FAM20B: variants seen among roughly 807,000 people sequenced by gnomAD.
FAM20B encodes the protein glycosaminoglycan xylosylkinase.
FAM20B carries 23 observed loss-of-function variants against 43.8 expected under a neutral mutation model. The observed-to-expected ratio is 0.53, with a 90% CI of 0.38 to 0.74. The LOEUF is 0.74. Among genes scored for constraint, FAM20B ranks in the 30% least tolerant of loss-of-function variants. FAM20B has a pLI of 0.00. For missense variants in FAM20B, 440 were observed against 510.5 expected (o/e 0.86, Z 1.33); for synonymous variants, 178 against 192.4 (o/e 0.93, Z 0.62).
Position 179,043,868 on chromosome 1 carries a change from C to G in FAM20B, c.21C>G (p.Val7=). The G allele has an allele frequency of 6.2e-7, 1 of 1,602,966 alleles. No homozygotes were observed. The highest frequency in any genetic ancestry group is 8.5e-7 in the Non-Finnish European group (1 of 1,171,180). Residue 7 remains valine, a synonymous_variant, in exon 2 of 8, where the codon GTC becomes GTG. Coordinates refer to ENST00000263733, the MANE Select transcript of FAM20B (RefSeq NM_014864.4). MKLKQR[V]VLLAILLVIF... Reference sequence around the variant, plus strand: ...TCAACATGAAGCTAAAGCAGCGAGTCGTGCTGTTAGCAATTCTCCTTGTCA... The same window carrying G: ...TCAACATGAAGCTAAAGCAGCGAGTGGTGCTGTTAGCAATTCTCCTTGTCA...
chr1:179,030,083 C>T (rs951908226), intron 1 of FAM20B, among the ~76,000 whole-genome samples: 2 of 152,144 alleles, frequency 1.3e-5, no homozygotes, highest in Non-Finnish European at 2.9e-5. Flanking sequence ...AAATTTGCAG[C>T]TTCTTATCTG....
chr1:179,028,638 C>G (rs1335547085), intron 1 of FAM20B, among the ~76,000 whole-genome samples: 1 of 152,202 alleles, frequency 6.6e-6, no homozygotes, highest in Non-Finnish European at 1.5e-5. Flanking sequence ...GAATCTGACT[C>G]TTAGTCCTTC....
Position 179,064,105 on chromosome 1 carries a change from G to A in FAM20B, c.746+7G>A. On this transcript the variant is annotated splice_region_variant and intron_variant, in intron 5 of 7. Transcript: ENST00000263733. ...GAGAAGGCAAATTGGCCAGGTAAAT[G>A]CTCCTATGAGCCATTACTTAATTCT... is the stretch of plus-strand genomic sequence containing the variant. The A allele has an allele frequency of 6.2e-7, 1 of 1,601,486 alleles. No individual in the cohort carries two copies. The highest frequency in any genetic ancestry group is 8.5e-7 in the Non-Finnish European group (1 of 1,172,852).
In FAM20B at chr1:179,071,928, C is replaced by G. The variant is rs1651941133; in HGVS notation, c.1014C>G (p.Thr338=). 6.2e-7 allele frequency: 1 copy of G among 1,613,632 alleles called. No homozygotes were observed. The highest frequency in any genetic ancestry group is 1.3e-5 in the African/African-American group (1 of 74,922). The part of the protein sequence containing the change: ...LYQCCIIRVS[T]WNRLNYLKNG... ...TTTCTCCCAGCATTCGGGTGTCCAC[C>G]TGGAACAGACTGAACTACCTAAAGA... The change falls in exon 8 of 8, where the codon ACC becomes ACG. Residue 338 remains threonine (T), a synonymous_variant. Coordinates refer to ENST00000263733, the MANE Select transcript of FAM20B (RefSeq NM_014864.4).
intron 4 of FAM20B, among the ~76,000 whole-genome samples, chr1:179,057,464 C>T (rs1651273357): frequency 6.6e-6 from 1 of 152,186 alleles, no homozygotes; most frequent in Non-Finnish European, 1.5e-5. Context: ...ATCTGTGTAG[C>T]CCCGGCAACC....
intron 7 of FAM20B, among the ~76,000 whole-genome samples, chr1:179,069,068 C>G (rs1651810884): frequency 1.3e-5 from 2 of 152,178 alleles, no homozygotes; most frequent in South Asian, 4.1e-4. Context: ...GAATTGGGGC[C>G]AGGGTGAGCA....
chr1:179,050,623 G>A (rs1650966257), intron 3 of FAM20B, among the ~76,000 whole-genome samples: 1 of 152,158 alleles, frequency 6.6e-6, no homozygotes. Context: ...CATCAGTGAA[G>A]ATATTCTTGG....
chr1:179,065,853 A>G (rs1027221749), intron 6 of FAM20B, among the ~76,000 whole-genome samples: 1 of 152,128 alleles, frequency 6.6e-6, no homozygotes, highest in African/African-American at 2.4e-5. Context: ...GAGGCTGGGA[A>G]CTCTAAGATG....
At chr1:179,045,082 A>T (rs945529595) in intron 2 of FAM20B, among the ~76,000 whole-genome samples, 3 of 152,204 alleles carry the variant, frequency 2.0e-5, no homozygotes, top group Admixed American at 1.3e-4. Flanking sequence ...GTTGTTCATG[A>T]TCCCTTTGGA....
At chr1:179,037,400 A>G (rs1650286666) in intron 1 of FAM20B, among the ~76,000 whole-genome samples, 1 of 151,936 alleles carries the variant, frequency 6.6e-6, no homozygotes, top group Non-Finnish European at 1.5e-5. Flanking sequence ...GCAGAAGGAA[A>G]TAGTGAAATA....
chr1:179,046,995 CA>C (rs1025319548), intron 2 of FAM20B, among the ~76,000 whole-genome samples: 23 of 150,494 alleles, frequency 1.5e-4, no homozygotes, highest in Admixed American at 1.3e-3. Context: ...AACTCCGTCT[CA>C]AAAAAAAAGA....
intron 1 of FAM20B, among the ~76,000 whole-genome samples, chr1:179,040,161 C>T (rs376777603): frequency 6.7e-4 from 102 of 152,358 alleles, no homozygotes; most frequent in Admixed American, 6.5e-4. Context: ...AACCATCCGA[C>T]TCCTCAATCC....
intron 4 of FAM20B, among the ~76,000 whole-genome samples, chr1:179,063,669 G>A (rs1353031543): frequency 6.6e-6 from 1 of 152,240 alleles, no homozygotes; most frequent in African/African-American, 2.4e-5. Flanking sequence ...ACCAGAGAGT[G>A]AGACTGGGTA....
In FAM20B at chr1:179,044,096, G is replaced by A. The variant is rs563728669; in HGVS notation, c.249G>A (p.Glu83=). ...PREVYPEETP[E]LGAVMHAMAT... ...AAGTGTACCCTGAAGAGACACCAGA[G>A]CTGGGGGCAGTCATGCATGCCATGG... is the stretch of plus-strand genomic sequence containing the variant. The change falls in exon 2 of 8, where the codon GAG becomes GAA. Residue 83 remains glutamate (E), a synonymous_variant. Coordinates refer to ENST00000263733, the MANE Select transcript of FAM20B (RefSeq NM_014864.4). 3.7e-6 allele frequency: 6 copies of A among 1,614,156 alleles called. No homozygotes were observed. The East Asian group carries it at 1.3e-4, about 36-fold the overall frequency.
intron 4 of FAM20B, among the ~76,000 whole-genome samples, chr1:179,063,234 G>A (rs912055505): frequency 6.6e-6 from 1 of 152,116 alleles, no homozygotes; most frequent in Non-Finnish European, 1.5e-5. Flanking sequence ...CCAAGATCTT[G>A]CCACTGCACT....
intron 1 of FAM20B, among the ~76,000 whole-genome samples, chr1:179,041,510 G>T (rs1650532148): frequency 6.6e-6 from 1 of 152,350 alleles, no homozygotes; most frequent in Non-Finnish European, 1.5e-5. Context: ...ACGAAAACCA[G>T]TCAGGTGTGG....
chr1:179,026,561 G>A (rs1349706051), intron 1 of FAM20B, among the ~76,000 whole-genome samples: 1 of 152,188 alleles, frequency 6.6e-6, no homozygotes, highest in African/African-American at 2.4e-5. Context: ...CCCTCGCGGG[G>A]TCTTTGCTGG....
At chr1:179,031,196 A>G (rs1649994252) in intron 1 of FAM20B, among the ~76,000 whole-genome samples, 1 of 152,234 alleles carries the variant, frequency 6.6e-6, no homozygotes, top group African/African-American at 2.4e-5. Context: ...TTTCAACACT[A>G]TACAGGAATT....
At chr1:179,070,846 A>G (rs958714055) in intron 7 of FAM20B, among the ~76,000 whole-genome samples, 31 of 151,824 alleles carry the variant, frequency 2.0e-4, no homozygotes, top group African/African-American at 7.5e-4. Flanking sequence ...TAACAGCATT[A>G]GTTCCACCCA....
Sources: allele counts gnomAD v4.1 joint callset (sites outside exome capture counted in the v4.1 genomes callset), GRCh38; gene constraint gnomAD v4.1.1; transcripts MANE v1.5; gene names NCBI Gene and HGNC (gene_info 2026-07-23, HGNC 2026-07-21).